The following APBA2 variants were observed in gnomAD, a reference collection of about 807,000 sequenced individuals.
APBA2 encodes amyloid beta precursor protein binding family A member 2, also known as amyloid-beta A4 precursor protein-binding family A member 2.
APBA2 carries 30 observed loss-of-function variants against 75.0 expected under a neutral mutation model. The observed-to-expected ratio is 0.40, with a 90% CI of 0.30 to 0.54. The LOEUF (loss-of-function observed/expected upper bound fraction) is 0.54. APBA2 is among the 20% of genes least tolerant of loss of function. The pLI, the probability that APBA2 is intolerant of heterozygous loss-of-function variation, is 0.49. For missense variants in APBA2, 801 were observed against 1,016.1 expected (o/e 0.79, Z 2.88); for synonymous variants, 444 against 409.6 (o/e 1.08, Z -1.01).
chr15:29,026,729 A>C (rs8027002), intron 3 of APBA2, among the ~76,000 whole-genome samples: 57,085 of 151,492 alleles, frequency 0.38, 17,979 homozygotes, highest in African/African-American at 0.84. Context: ...CTATCTAACA[A>C]GGTGAAACCC....
intron 6 of APBA2, among the ~76,000 whole-genome samples, chr15:29,076,710 T>G (rs1409030869): frequency 6.6e-6 from 1 of 152,198 alleles, no homozygotes; most frequent in Non-Finnish European, 1.5e-5. Context: ...GATTTCTGTC[T>G]TTGCCAGGAG....
intron 1 of APBA2, among the ~76,000 whole-genome samples, chr15:28,888,445 T>A (rs2031902209): frequency 6.6e-6 from 1 of 151,144 alleles, no homozygotes; most frequent in Non-Finnish European, 1.5e-5. Context: ...GTGGGGAGAG[T>A]GGGGGTTGAG....
chr15:29,113,751 A>C, intron 13 of APBA2, 125 bp from the exon 14 acceptor site: 8 of 1,237,030 alleles, frequency 6.5e-6, no homozygotes, highest in Non-Finnish European at 9.2e-6. Context: ...TGAGTCAGCG[A>C]ATTGCACGTG....
intron 3 of APBA2, among the ~76,000 whole-genome samples, chr15:29,000,395 A>G (rs1311100388): frequency 6.6e-6 from 1 of 152,126 alleles, no homozygotes; most frequent in Non-Finnish European, 1.5e-5. Context: ...ACTTCTATGT[A>G]TTTGCAAAGT....
chr15:28,996,061 A>G (rs1055356984), intron 3 of APBA2, among the ~76,000 whole-genome samples: 6 of 152,112 alleles, frequency 3.9e-5, no homozygotes, highest in African/African-American at 9.7e-5. Flanking sequence ...CCACCACCCA[A>G]TGACAACACA....
intron 1 of APBA2, among the ~76,000 whole-genome samples, chr15:28,891,232 G>A (rs138421246): frequency 3.3e-5 from 5 of 152,208 alleles, no homozygotes; most frequent in African/African-American, 9.7e-5. Context: ...GGCACGTCTT[G>A]TCTTAACTTT....
At chr15:29,003,965 A>G (rs557478881) in intron 3 of APBA2, among the ~76,000 whole-genome samples, 1 of 152,328 alleles carries the variant, frequency 6.6e-6, no homozygotes, top group Admixed American at 6.5e-5. Context: ...CAGTACCTCA[A>G]AAAGACCACA....
chr15:28,907,487 T>G (rs543224051), intron 1 of APBA2, among the ~76,000 whole-genome samples: 5 of 152,338 alleles, frequency 3.3e-5, no homozygotes, highest in Admixed American at 2.6e-4. Flanking sequence ...AGAATCATCC[T>G]TTCAGCAGGA....
chr15:28,952,593 G>A (rs950832639), intron 2 of APBA2, among the ~76,000 whole-genome samples: 6 of 152,166 alleles, frequency 3.9e-5, no homozygotes, highest in Non-Finnish European at 8.8e-5. Context: ...ATATGATTCA[G>A]CCTTCCATGA....
intron 3 of APBA2, among the ~76,000 whole-genome samples, chr15:29,050,864 G>A (rs1411779731): frequency 6.6e-6 from 1 of 152,208 alleles, no homozygotes; most frequent in African/African-American, 2.4e-5. Flanking sequence ...TGCACAGCTT[G>A]ATGTCAGAGC....
Position 29,054,370 on chromosome 15 carries a change from C to T in APBA2, c.486C>T (p.Asp162=), listed in dbSNP as rs372649988. ...HEAEGSQDYP[D]GQLPIPEDEP... ...CTGAAGGCAGCCAGGACTACCCAGA[C>T]GGCCAACTGCCCATTCCGGAGGATG... Residue 162 remains aspartate (D), a synonymous_variant, in exon 4 of 15, where the codon GAC becomes GAT. Transcript: ENST00000683413. This position sits in a 1 kb window ranked among gnomAD's most constrained non-coding sequence, Gnocchi z 6.1. The T allele has an allele frequency of 4.7e-5, 76 of 1,614,114 alleles. No homozygotes were observed. The East Asian group carries it at 4.9e-4, about 10-fold the overall frequency.
At chr15:29,111,073 T>A (rs1377652131) in intron 13 of APBA2, among the ~76,000 whole-genome samples, 5 of 152,024 alleles carry the variant, frequency 3.3e-5, no homozygotes, top group African/African-American at 1.2e-4. Flanking sequence ...TTGCGGGGCC[T>A]GCAGTGAGGA....
At chr15:28,916,286 G>A (rs2033687935) in intron 1 of APBA2, among the ~76,000 whole-genome samples, 2 of 152,144 alleles carry the variant, frequency 1.3e-5, no homozygotes, top group South Asian at 2.1e-4. Flanking sequence ...GTGGCGGCCC[G>A]TTTGGGAAGT....
At chr15:29,078,017 T>C (rs1310511745) in intron 6 of APBA2, among the ~76,000 whole-genome samples, 3 of 152,180 alleles carry the variant, frequency 2.0e-5, no homozygotes, top group Non-Finnish European at 2.9e-5. Context: ...AAGTCCAGGG[T>C]TGGACGTGGT....
intron 2 of APBA2, among the ~76,000 whole-genome samples, chr15:28,989,594 G>A (rs971040398): frequency 4.6e-5 from 7 of 152,210 alleles, no homozygotes; most frequent in African/African-American, 1.4e-4. Flanking sequence ...CCATCCCTGA[G>A]CTGCCTGAAC....
At chr15:29,022,619 AGTT>A (rs1252016162) in intron 3 of APBA2, among the ~76,000 whole-genome samples, 3 of 152,118 alleles carry the variant, frequency 2.0e-5, no homozygotes, top group Non-Finnish European at 1.5e-5. Context: ...ATAGATGATG[AGTT>A]GTTCTGGACT....
intron 2 of APBA2, 106 bp downstream of exon 2, chr15:28,921,855 G>C (rs1027257568): frequency 1.3e-5 from 2 of 152,196 alleles, no homozygotes; most frequent in African/African-American, 4.8e-5. Context: ...TAGCCACGAT[G>C]GCCCTCACCT....
At chr15:29,036,449 A>G (rs949546805) in intron 3 of APBA2, among the ~76,000 whole-genome samples, 1 of 152,084 alleles carries the variant, frequency 6.6e-6, no homozygotes, top group African/African-American at 2.4e-5. Flanking sequence ...CTAGGATGGG[A>G]GGCAGTGCTG....
intron 14 of APBA2, among the ~76,000 whole-genome samples, chr15:29,114,695 TGAGTG>T (rs1291182038): frequency 6.9e-6 from 1 of 145,588 alleles, no homozygotes; most frequent in Non-Finnish European, 1.5e-5. Flanking sequence ...GTGTGGGAAA[TGAGTG>T]TGTGCGTGCA....
Sources: gnomAD v4.1 joint callset for allele counts (sites outside exome capture counted in the v4.1 genomes callset) on GRCh38, gnomAD v4.1.1 for gene constraint, Gnocchi (gnomAD v3.1) non-coding constraint, MANE v1.5 for transcripts, NCBI Gene and HGNC (gene_info 2026-07-23, HGNC 2026-07-21) for gene names.